The following ZNF146 variants were observed in gnomAD, a reference collection of about 807,000 sequenced individuals.
ZNF146 encodes the protein zinc finger protein OZF.
ZNF146 carries 9 observed loss-of-function variants against 22.2 expected under a neutral mutation model. The observed-to-expected ratio is 0.41, with a 90% CI of 0.24 to 0.71. The LOEUF (loss-of-function observed/expected upper bound fraction) is 0.71. ZNF146 is among the 30% of genes least tolerant of loss of function. ZNF146 has a pLI of 0.34. For missense variants in ZNF146, 194 were observed against 344.8 expected (o/e 0.56, Z 3.46); for synonymous variants, 108 against 119.2 (o/e 0.91, Z 0.61).
chr19:36,216,937 T>C (rs532499583), intron 1 of ZNF146, among the ~76,000 whole-genome samples: 34 of 151,570 alleles, frequency 2.2e-4, no homozygotes, highest in Admixed American at 8.6e-4. Flanking sequence ...AGATCTCCCG[T>C]AGTCCTAGCT....
At chr19:36,225,983 G>C (rs1599971601) in intron 2 of ZNF146, among the ~76,000 whole-genome samples, 1 of 151,582 alleles carries the variant, frequency 6.6e-6, no homozygotes, top group African/African-American at 2.4e-5. Flanking sequence ...TGCCTAGGCT[G>C]GTCTTGAACT....
intron 3 of ZNF146, among the ~76,000 whole-genome samples, chr19:36,233,372 C>G (rs775484018): frequency 2.1e-4 from 32 of 152,264 alleles, no homozygotes; most frequent in Non-Finnish European, 3.7e-4. Flanking sequence ...TGGGTTTCCC[C>G]TCCACAGCTG....
chr19:36,222,778 C>CTTTT (rs55668684), intron 2 of ZNF146, among the ~76,000 whole-genome samples: 1 of 100,884 alleles, frequency 9.9e-6, no homozygotes, highest in Non-Finnish European at 2.0e-5. Context: ...TGAGTGGTGG[C>CTTTT]TTTTTTTTTT....
In ZNF146 at chr19:36,237,039, T is replaced by C; in HGVS notation, c.599T>C (p.Ile200Thr). The change falls in exon 4 of 4, where the codon ATT (isoleucine) becomes ACT (threonine). Residue 200 changes from isoleucine to threonine, a missense_variant. Physicochemically the swap from Ile to Thr is moderately conservative, Grantham distance 89. Transcript: ENST00000443387. ...GKAFSQRTSLIVHVRIHSGDK... is the reference protein window; with the variant it reads ...GKAFSQRTSLTVHVRIHSGDK... The stretch of plus-strand genomic sequence containing the variant: ...GCCTTCTCTCAGCGAACATCACTTA[T>C]TGTACATGTGAGGATTCATTCAGGT... The C allele has an allele frequency of 6.2e-7, 1 of 1,614,172 alleles. No individual in the cohort carries two copies. Among genetic ancestry groups the C allele is most frequent in the Non-Finnish European group, 8.5e-7 (1 of 1,180,026 alleles).
chr19:36,231,832 C>T (rs1302526546), intron 3 of ZNF146, among the ~76,000 whole-genome samples: 6 of 151,672 alleles, frequency 4.0e-5, no homozygotes, highest in Non-Finnish European at 8.8e-5. Flanking sequence ...CATCTGTAGG[C>T]GAGGCGGCAG....
rs1230501335 is a variant in ZNF146 at position 36,228,801 on chromosome 19, G to T, written c.-801G>T. 6.6e-6 allele frequency: 1 copy of T among 152,296 alleles called. No individual in the cohort carries two copies. Among genetic ancestry groups the T allele is most frequent in the South Asian group, 2.1e-4 (1 of 4,830 alleles). 9.4% of individuals were successfully genotyped at this position (152,296 alleles called of 1,614,324 possible). A position where few individuals can be genotyped will look rare whatever the true frequency, so the allele number is the denominator to read the frequency against. On this transcript the variant is annotated 5_prime_UTR_variant, in exon 3 of 4. Coordinates refer to ENST00000443387, the MANE Select transcript of ZNF146 (RefSeq NM_007145.3). ...GACAAACTGTATGGTGGAGAAAGAA[G>T]TGGGAAGGATCTGCGCGGGTGAGTA...
chr19:36,218,932 C>A (rs1180654407), intron 2 of ZNF146, among the ~76,000 whole-genome samples: 3 of 151,688 alleles, frequency 2.0e-5, no homozygotes, highest in African/African-American at 7.3e-5. Flanking sequence ...CCTTAGCCTC[C>A]CAAGTAGCTG....
At position 36,237,452 on chromosome 19, in the gene ZNF146, GAC is replaced by G; in HGVS notation, c.*136_*137del. The stretch of plus-strand genomic sequence containing the variant: ...TTTAACAAGTACTAAAAACTTAAGG[GAC>G]ACCAGAAAATTTGTACTGAAGAGAA... On this transcript the variant is annotated 3_prime_UTR_variant, in exon 4 of 4. Transcript: ENST00000443387. 8.8e-7 allele frequency: 1 copy of G among 1,135,808 alleles called. No homozygotes were observed. The highest frequency in any genetic ancestry group is 1.2e-6 in the Non-Finnish European group (1 of 824,738). The allele number at this position is 1,135,808 out of a possible 1,614,324, so 70.4% of individuals were successfully genotyped here.
intron 3 of ZNF146, among the ~76,000 whole-genome samples, chr19:36,229,413 C>A (rs1175394872): frequency 6.6e-6 from 1 of 152,154 alleles, no homozygotes; most frequent in Non-Finnish European, 1.5e-5. Context: ...GGCACAATTA[C>A]AGCTCACTGT....
chr19:36,238,453 T>G lies in ZNF146; in HGVS notation c.*1134T>G, dbSNP rs1405502716. On this transcript the variant is annotated 3_prime_UTR_variant, in exon 4 of 4. Transcript: ENST00000443387. ...TTAAAGGGGACTTCAGCTTTTTATA[T>G]AAACATCCACTTCTCTTTCAAAAGA... 6.0e-6 allele frequency: 1 copy of G among 167,046 alleles called. No homozygotes were observed. Among genetic ancestry groups the G allele is most frequent in the Non-Finnish European group, 1.5e-5 (1 of 68,110 alleles). The allele number at this position is 167,046 out of a possible 1,614,324, so 10.3% of individuals were successfully genotyped here.
At position 36,221,927 on chromosome 19, in the gene ZNF146, C is replaced by CTT. The variant is rs60347994; in HGVS notation, c.-855+3753_-855+3754dup. Among the ~76,000 whole-genome samples the CTT allele has an allele frequency of 7.9e-3, 867 of 109,806 alleles. 15 individuals are homozygous for CTT. The highest frequency in any genetic ancestry group is 0.026 in the Middle Eastern group (4 of 152). The allele number at this position is 109,806 out of a possible 152,430, so 72.0% of individuals were successfully genotyped here. On this transcript the variant is annotated intron_variant, in intron 2 of 3. Transcript: ENST00000443387. ...AGAGATAGCCCTTCCTTTTTTCTTT[C>CTT]TTTTTTTTTTTTTTTTTTTTTTGAA...
chr19:36,236,083 C>T lies in ZNF146; in HGVS notation c.-358C>T, dbSNP rs1977635128. The stretch of plus-strand genomic sequence containing the variant: ...CTGTTACTCATATGTTGCATTTCGT[C>T]GAACGTGCAAGTCATGCTGAAGAGA... On this transcript the variant is annotated 5_prime_UTR_variant, in exon 4 of 4. The change creates a premature stop within an existing upstream ORF in the 5' untranslated region. Coordinates refer to ENST00000443387, the MANE Select transcript of ZNF146 (RefSeq NM_007145.3). 1 of 195,470 alleles carries T rather than the reference C, an allele frequency of 5.1e-6. No individual in the cohort carries two copies. Among genetic ancestry groups the T allele is most frequent in the Admixed American group, 5.6e-5 (1 of 17,950 alleles). 12.1% of individuals were successfully genotyped at this position (195,470 alleles called of 1,614,324 possible).
chr19:36,219,645 T>C (rs966663407), intron 2 of ZNF146, among the ~76,000 whole-genome samples: 1 of 152,324 alleles, frequency 6.6e-6, no homozygotes, highest in African/African-American at 2.4e-5. Flanking sequence ...CAAAATGTTA[T>C]GTTTACTTTG....
chr19:36,228,029 A>G (rs908186732), intron 2 of ZNF146, among the ~76,000 whole-genome samples: 9 of 151,970 alleles, frequency 5.9e-5, no homozygotes, highest in Non-Finnish European at 8.8e-5. Flanking sequence ...GTGTGGTGGT[A>G]CACACCCATA....
At chr19:36,218,089 G>A (rs1032793312) in intron 1 of ZNF146, 33 bp from the exon 2 acceptor site, 2 of 75,538 alleles carry the variant, frequency 2.6e-5, no homozygotes, top group Non-Finnish European at 5.3e-5. Flanking sequence ...ACAGGCATGA[G>A]CTAATTTTTT....
Position 36,233,768 on chromosome 19 carries a change from C to G in ZNF146, c.-782-1891C>G, listed in dbSNP as rs1977506207. Among the ~76,000 whole-genome samples, 4 of 152,232 alleles carry G rather than the reference C, an allele frequency of 2.6e-5. No homozygotes were observed. The South Asian group carries it at 6.2e-4, about 24-fold the overall frequency. On this transcript the variant is annotated intron_variant, in intron 3 of 3. Transcript: ENST00000443387. Reference sequence around the variant, plus strand: ...CCTCCAGCCCTAAGGCGGTTTTCCCCTATCTCAGTAGATGGAATATACAAT... The same window carrying G: ...CCTCCAGCCCTAAGGCGGTTTTCCCGTATCTCAGTAGATGGAATATACAAT...
In ZNF146 at chr19:36,236,571, T is replaced by C; in HGVS notation, c.131T>C (p.Phe44Ser). 6.2e-7 allele frequency: 1 copy of C among 1,614,148 alleles called. No homozygotes were observed. Among genetic ancestry groups the C allele is most frequent in the Non-Finnish European group, 8.5e-7 (1 of 1,180,016 alleles). ...HEHFHTREKP[F>S]ECNECGKAFS... is the part of the protein sequence containing the mutation. ...CATTTTCACACGAGAGAGAAACCTTTTGAATGTAACGAGTGTGGAAAAGCC... is the reference window on the plus strand; with the variant it reads ...CATTTTCACACGAGAGAGAAACCTTCTGAATGTAACGAGTGTGGAAAAGCC... Residue 44 changes from phenylalanine to serine, a missense_variant, in exon 4 of 4, where the codon TTT becomes TCT. By Grantham distance (155) the Phe-to-Ser change is radical. Around this residue, in one of 2 missense-constraint regions of ZNF146, gnomAD observed 147 missense variants for 300.1 expected, o/e 0.49. Transcript: ENST00000443387.
At chr19:36,221,685 C>T (rs1976845462) in intron 2 of ZNF146, among the ~76,000 whole-genome samples, 1 of 152,118 alleles carries the variant, frequency 6.6e-6, no homozygotes, top group African/African-American at 2.4e-5. Flanking sequence ...ATATCTCATT[C>T]TGCTCCCTTC....
chr19:36,229,058 CTT>C (rs1234108830), intron 3 of ZNF146, among the ~76,000 whole-genome samples: 1 of 152,236 alleles, frequency 6.6e-6, no homozygotes, highest in Non-Finnish European at 1.5e-5. Flanking sequence ...AGCCTTCCTG[CTT>C]CGTCTGTGCC....
Sources: allele counts gnomAD v4.1 joint callset (sites outside exome capture counted in the v4.1 genomes callset), GRCh38; gene constraint gnomAD v4.1.1; regional missense constraint gnomAD v4.1.1; transcripts MANE v1.5; gene names NCBI Gene and HGNC (gene_info 2026-07-23, HGNC 2026-07-21).